Variants in KCNJ3 observed in about 807,000 individuals in gnomAD.
The protein encoded by KCNJ3 is potassium inwardly rectifying channel subfamily J member 3, also known as G protein-activated inward rectifier potassium channel 1.
In KCNJ3, 4 loss-of-function variants were observed where a neutral mutation model predicts 39.2. The observed-to-expected ratio is 0.10, with a 90% confidence interval of 0.05 to 0.23. KCNJ3 has a LOEUF of 0.23. Among genes scored for constraint, KCNJ3 ranks in the 10% least tolerant of loss-of-function variants. KCNJ3 has a pLI of 1.00. For missense variants in KCNJ3, 276 were observed against 634.9 expected (o/e 0.43, Z 6.08); for synonymous variants, 230 against 237.4 (o/e 0.97, Z 0.29).
chr2:154,722,042 T>C (rs915517427), intron 2 of KCNJ3, among the ~76,000 whole-genome samples: 4 of 152,174 alleles, frequency 2.6e-5, no homozygotes, highest in Admixed American at 6.5e-5. Flanking sequence ...TCAGATCAGA[T>C]AGATAGTTGC....
intron 2 of KCNJ3, among the ~76,000 whole-genome samples, chr2:154,741,565 A>G (rs1685654438): frequency 6.6e-6 from 1 of 151,850 alleles, no homozygotes; most frequent in Non-Finnish European, 1.5e-5. Flanking sequence ...CTTCAGTCAA[A>G]TCCTCTGCTT....
chr2:154,738,260 A>G (rs1210055552), intron 2 of KCNJ3, among the ~76,000 whole-genome samples: 1 of 152,060 alleles, frequency 6.6e-6, no homozygotes, highest in African/African-American at 2.4e-5. Flanking sequence ...GCAGAACGAT[A>G]GTCACCAGAG....
chr2:154,836,990 A>G (rs1030889883), intron 2 of KCNJ3, among the ~76,000 whole-genome samples: 3 of 152,226 alleles, frequency 2.0e-5, no homozygotes, highest in Admixed American at 6.5e-5. Flanking sequence ...AAAAATAGAT[A>G]CAGTGTATTT....
At chr2:154,838,919 A>AT (rs70983746) in intron 2 of KCNJ3, among the ~76,000 whole-genome samples, 52,862 of 151,972 alleles carry the variant, frequency 0.35, 9,725 homozygotes, top group Non-Finnish European at 0.4. Flanking sequence ...TGGATGTTTC[A>AT]TTTTTTTAAG....
intron 2 of KCNJ3, among the ~76,000 whole-genome samples, chr2:154,807,451 G>A (rs1171680721): frequency 2.0e-5 from 3 of 152,156 alleles, no homozygotes; most frequent in Non-Finnish European, 4.4e-5. Context: ...GTGGCTTCCT[G>A]GCTAGGTTGT....
At chr2:154,724,670 C>T (rs1685318065) in intron 2 of KCNJ3, among the ~76,000 whole-genome samples, 2 of 151,728 alleles carry the variant, frequency 1.3e-5, no homozygotes, top group Non-Finnish European at 2.9e-5. Context: ...TTTACCTTTG[C>T]TTTGCCATTC....
chr2:154,855,388 C>A lies in KCNJ3; in HGVS notation c.*75C>A. On this transcript the variant is annotated 3_prime_UTR_variant, in exon 3 of 3. Transcript: ENST00000295101. ...ATATTTGGCGATGAGGTAATTCTCCCTAAGGAATCTGAAAGTATATTTTCC... is the reference window on the plus strand; with the variant it reads ...ATATTTGGCGATGAGGTAATTCTCCATAAGGAATCTGAAAGTATATTTTCC... 2 of 974,954 alleles carry A rather than the reference C, an allele frequency of 2.1e-6. No homozygotes were observed. The highest frequency in any genetic ancestry group is 3.0e-6 in the Non-Finnish European group (2 of 665,030). The allele number at this position is 974,954 out of a possible 1,614,324, so 60.4% of individuals were successfully genotyped here. A position where few individuals can be genotyped will look rare whatever the true frequency, so the allele number is the denominator to read the frequency against.
chr2:154,832,727 G>A (rs1346438505), intron 2 of KCNJ3, among the ~76,000 whole-genome samples: 1 of 143,348 alleles, frequency 7.0e-6, no homozygotes, highest in African/African-American at 2.5e-5. Flanking sequence ...AAATGGAGAT[G>A]CTTTACATTG....
At chr2:154,834,967 C>CCAAATGTTG (rs1284945427) in intron 2 of KCNJ3, among the ~76,000 whole-genome samples, 2 of 151,408 alleles carry the variant, frequency 1.3e-5, no homozygotes, top group African/African-American at 4.8e-5. Flanking sequence ...ATAATTAGAA[C>CCAAATGTTG]CAAATGTTGC....
intron 2 of KCNJ3, among the ~76,000 whole-genome samples, chr2:154,854,070 G>A (rs563475376): frequency 4.6e-5 from 7 of 152,110 alleles, no homozygotes; most frequent in South Asian, 2.1e-4. Context: ...CCTTTTATTC[G>A]TTTAACAAAT....
At chr2:154,758,058 T>C (rs568256556) in intron 2 of KCNJ3, among the ~76,000 whole-genome samples, 1 of 152,312 alleles carries the variant, frequency 6.6e-6, no homozygotes, top group African/African-American at 2.4e-5. Flanking sequence ...TTATTGGACA[T>C]AATTTCTACT....
At chr2:154,759,940 T>C (rs1686009439) in intron 2 of KCNJ3, among the ~76,000 whole-genome samples, 1 of 152,178 alleles carries the variant, frequency 6.6e-6, no homozygotes, top group South Asian at 2.1e-4. Context: ...GAAATCTGTA[T>C]CATTTTAGAT....
intron 2 of KCNJ3, among the ~76,000 whole-genome samples, chr2:154,788,986 T>C (rs1454951926): frequency 6.6e-6 from 1 of 152,090 alleles, no homozygotes; most frequent in Non-Finnish European, 1.5e-5. Context: ...TGACTCTCAT[T>C]CTGAAGTTTA....
At chr2:154,710,708 T>C (rs374629753) in intron 2 of KCNJ3, among the ~76,000 whole-genome samples, 2 of 152,300 alleles carry the variant, frequency 1.3e-5, no homozygotes, top group East Asian at 3.9e-4. Flanking sequence ...TAGCTTTTAA[T>C]TGTTTTCTAC....
intron 2 of KCNJ3, among the ~76,000 whole-genome samples, chr2:154,852,560 T>G (rs1359461226): frequency 6.6e-6 from 1 of 152,170 alleles, no homozygotes; most frequent in African/African-American, 2.4e-5. Context: ...ACTTCCACAT[T>G]ATTTGTTTTA....
chr2:154,804,081 T>C (rs1686868393), intron 2 of KCNJ3, among the ~76,000 whole-genome samples: 3 of 152,120 alleles, frequency 2.0e-5, no homozygotes, highest in Admixed American at 6.6e-5. Flanking sequence ...AGTCCTAAAA[T>C]GTTATTGGCT....
intron 2 of KCNJ3, among the ~76,000 whole-genome samples, chr2:154,767,042 A>G (rs937893347): frequency 3.3e-5 from 5 of 152,098 alleles, no homozygotes; most frequent in African/African-American, 1.2e-4. Flanking sequence ...CTTAACTGTC[A>G]CTTTTAATTC....
At chr2:154,816,104 CTG>C (rs1454510940) in intron 2 of KCNJ3, among the ~76,000 whole-genome samples, 18 of 152,100 alleles carry the variant, frequency 1.2e-4, no homozygotes, top group Non-Finnish European at 2.2e-4. Context: ...ATTCGCAAAA[CTG>C]TGAATGATAT....
At chr2:154,841,855 T>TATCA (rs1553462269) in intron 2 of KCNJ3, among the ~76,000 whole-genome samples, 6 of 152,310 alleles carry the variant, frequency 3.9e-5, no homozygotes, top group East Asian at 1.9e-4. Context: ...TCTAGCTGTC[T>TATCA]ATCAATTTTG....
Sources: gnomAD v4.1 joint callset for allele counts (sites outside exome capture counted in the v4.1 genomes callset) on GRCh38, gnomAD v4.1.1 for gene constraint, MANE v1.5 for transcripts, NCBI Gene and HGNC (gene_info 2026-07-23, HGNC 2026-07-21) for gene names.